SFMBT1: variants seen among roughly 807,000 people sequenced by gnomAD.
SFMBT1 encodes Scm like with four mbt domains 1, also known as scm-like with four MBT domains protein 1.
Under a neutral mutation model 108.7 loss-of-function variants are expected in SFMBT1, and 32 were observed. The observed-to-expected ratio is 0.29, with a 90% CI of 0.22 to 0.40. SFMBT1 has a LOEUF of 0.40. Among genes scored for constraint, SFMBT1 ranks in the 10% least tolerant of loss-of-function variants. SFMBT1 has a pLI of 1.00. For missense variants in SFMBT1, 816 were observed against 1,059.6 expected, an observed-to-expected ratio of 0.77 and a Z score of 3.19; for synonymous variants, 348 against 369.5, an observed-to-expected ratio of 0.94 and a Z score of 0.67.
intron 1 of SFMBT1, among the ~76,000 whole-genome samples, chr3:52,991,595 C>T (rs1415173709): frequency 6.6e-6 from 1 of 152,104 alleles, no homozygotes; most frequent in Non-Finnish European, 1.5e-5. Context: ...CCGCCCACCT[C>T]GGCCTCCCAA....
intron 1 of SFMBT1, among the ~76,000 whole-genome samples, chr3:52,996,193 AAAAT>A (rs1351720054): frequency 6.7e-6 from 1 of 148,216 alleles, no homozygotes; most frequent in African/African-American, 2.4e-5. Flanking sequence ...AAAGCTCTTA[AAAAT>A]AAACAATCCT....
chr3:52,911,237 A>C, intron 16 of SFMBT1, 59 bp from the exon 17 acceptor site: 1 of 1,496,572 alleles, frequency 6.7e-7, no homozygotes, highest in Non-Finnish European at 9.0e-7. Context: ...CCAGAGAAAA[A>C]TCAAACATAT....
rs1702088129 is a variant in SFMBT1 at position 52,907,276 on chromosome 3, C to T, written c.2124G>A (p.Gly708=). The change falls in exon 19 of 21, where the codon GGG becomes GGA. Residue 708 remains glycine, a synonymous_variant. Transcript: ENST00000394752. ...TGCCTTCACTTAGGGAATCATCATC[C>T]CCTTCATCTGGGTCATCCTCATCTT... ...GGEDEDDPDE[G]DDDSLSEGST... The T allele has an allele frequency of 1.2e-6, 2 of 1,613,924 alleles. No individual in the cohort carries two copies. The highest frequency in any genetic ancestry group is 1.7e-6 in the Non-Finnish European group (2 of 1,180,006).
Position 52,944,020 on chromosome 3 carries a change from A to G in SFMBT1, c.124-427T>C, listed in dbSNP as rs76945147. On this transcript the variant is annotated intron_variant, in intron 3 of 20. Transcript: ENST00000394752. ...AGTACAATATGTACCATATACAGGG[A>G]GCCATATTTCCCAGTTTCCCTAAAA... 3.3e-3 allele frequency among the ~76,000 whole-genome samples: 502 copies of G among 152,312 alleles called. 3 individuals are homozygous for G. The highest frequency in any genetic ancestry group is 3.8e-3 in the Non-Finnish European group (260 of 68,026).
intron 2 of SFMBT1, among the ~76,000 whole-genome samples, chr3:52,963,811 A>T (rs776312683): frequency 1.1e-4 from 16 of 152,230 alleles, no homozygotes; most frequent in Non-Finnish European, 1.6e-4. Context: ...ATTTAAAAGC[A>T]AAAACTATAA....
chr3:52,996,005 A>G (rs1698314633), intron 1 of SFMBT1, among the ~76,000 whole-genome samples: 1 of 148,090 alleles, frequency 6.8e-6, no homozygotes, highest in Non-Finnish European at 1.5e-5. Context: ...CGGGAGGCGG[A>G]GGTTGCAGTG....
intron 4 of SFMBT1, among the ~76,000 whole-genome samples, chr3:52,939,863 C>A (rs1411888354): frequency 6.6e-6 from 1 of 151,538 alleles, no homozygotes; most frequent in African/African-American, 2.4e-5. Context: ...ATTTCCAGTT[C>A]TTGCCTAAGT....
At chr3:52,966,977 C>A in intron 2 of SFMBT1, among the ~76,000 whole-genome samples, 1 of 148,764 alleles carries the variant, frequency 6.7e-6, no homozygotes, top group Non-Finnish European at 1.5e-5. Flanking sequence ...TACTATAATA[C>A]CTAAAGTAAC....
intron 1 of SFMBT1, among the ~76,000 whole-genome samples, chr3:53,029,530 C>T (rs1206489332): frequency 2.0e-5 from 3 of 152,164 alleles, no homozygotes; most frequent in Non-Finnish European, 2.9e-5. Context: ...CTTTTAAAAA[C>T]TTAGCTATAT....
rs145493354 is a variant in SFMBT1 at position 52,957,003 on chromosome 3, G to C, written c.29-2592C>G. Among the ~76,000 whole-genome samples, 938 of 152,108 alleles carry C rather than the reference G, an allele frequency of 6.2e-3. 81 individuals are homozygous for C. In the South Asian group the frequency reaches 0.17, roughly 27 times the overall value. On this transcript the variant is annotated intron_variant, in intron 2 of 20. Transcript: ENST00000394752. ...AATCAGGCAAGAGAGAGTGATAAAGGGTATTCAAATAGGAAGAGAGGAAGT... is the reference window on the plus strand; with the variant it reads ...AATCAGGCAAGAGAGAGTGATAAAGCGTATTCAAATAGGAAGAGAGGAAGT...
chr3:52,932,312 T>A lies in SFMBT1; in HGVS notation c.454-4A>T. On this transcript the variant is annotated splice_polypyrimidine_tract_variant and splice_region_variant and intron_variant, in intron 5 of 20. Coordinates refer to ENST00000394752, the MANE Select transcript of SFMBT1 (RefSeq NM_016329.4). ...AAGGATTCCTCCCATTACGGAGCTG[T>A]AGGATTAAAAAGTAAAACAACCCAG... 6.2e-7 allele frequency: 1 copy of A among 1,607,738 alleles called. No individual in the cohort carries two copies. The highest frequency in any genetic ancestry group is 8.5e-7 in the Non-Finnish European group (1 of 1,177,682).
At chr3:52,932,329 A>G in intron 5 of SFMBT1, 21 bp from the exon 6 acceptor site, 2 of 1,599,636 alleles carry the variant, frequency 1.3e-6, no homozygotes, top group South Asian at 1.1e-5. Flanking sequence ...AAAAAGTAAA[A>G]CAACCCAGTA....
chr3:52,908,861 G>A (rs1437421256), intron 17 of SFMBT1, among the ~76,000 whole-genome samples: 5 of 152,228 alleles, frequency 3.3e-5, no homozygotes, highest in Non-Finnish European at 5.9e-5. Flanking sequence ...GTGAGCCACC[G>A]CACCCGGCTT....
chr3:52,983,051 G>C (rs894572806), intron 1 of SFMBT1, among the ~76,000 whole-genome samples: 1 of 152,122 alleles, frequency 6.6e-6, no homozygotes, highest in Non-Finnish European at 1.5e-5. Context: ...CAAACATTCA[G>C]ACAGAAACTA....
chr3:52,933,837 T>C (rs1702929316), intron 5 of SFMBT1, among the ~76,000 whole-genome samples: 1 of 152,084 alleles, frequency 6.6e-6, no homozygotes, highest in Non-Finnish European at 1.5e-5. Context: ...AAAGCCTTCT[T>C]AGATATGATA....
intron 1 of SFMBT1, among the ~76,000 whole-genome samples, chr3:53,000,968 C>T (rs1470643775): frequency 1.3e-5 from 2 of 149,940 alleles, no homozygotes; most frequent in African/African-American, 4.8e-5. Context: ...CAGATGAAAC[C>T]GCATTGGCTG....
In SFMBT1 at chr3:52,921,740, G is replaced by A. The variant is rs1338611495; in HGVS notation, c.1223C>T (p.Ala408Val). The A allele has an allele frequency of 6.2e-7, 1 of 1,614,164 alleles. No homozygotes were observed. Among genetic ancestry groups the A allele is most frequent in the East Asian group, 2.2e-5 (1 of 44,874 alleles). ...GAGCCACAGGTAGGAGCCTCTCACT[G>A]CAGTGATGGTAGCAACACACACTTC... ...PEEVCVATIT[A>V]VRGSYLWLQL... The change falls in exon 11 of 21, where the codon GCA becomes GTA. Residue 408 changes from alanine (A) to valine (V), a missense_variant. Physicochemically the swap from Ala to Val is moderately conservative, Grantham distance 64. Coordinates refer to ENST00000394752, the MANE Select transcript of SFMBT1 (RefSeq NM_016329.4).
intron 15 of SFMBT1, 58 bp downstream of exon 15, chr3:52,913,420 G>T: frequency 1.3e-6 from 2 of 1,572,480 alleles, no homozygotes; most frequent in South Asian, 2.4e-5. Context: ...CTGTAGAAAT[G>T]ACCATAGGAG....
chr3:53,038,269 G>A (rs901828888), intron 1 of SFMBT1, among the ~76,000 whole-genome samples: 6 of 152,148 alleles, frequency 3.9e-5, no homozygotes, highest in Non-Finnish European at 4.4e-5. Flanking sequence ...TTTTACTACC[G>A]TGGCTCTATG....
Sources: allele counts gnomAD v4.1 joint callset (sites outside exome capture counted in the v4.1 genomes callset), GRCh38; gene constraint gnomAD v4.1.1; transcripts MANE v1.5; gene names NCBI Gene and HGNC (gene_info 2026-07-23, HGNC 2026-07-21).